The following MINDY4 variants were observed in gnomAD, a reference collection of about 807,000 sequenced individuals.
The protein encoded by MINDY4 is probable ubiquitin carboxyl-terminal hydrolase MINDY-4.
MINDY4 carries 68 observed loss-of-function variants against 87.0 expected under a neutral mutation model. The observed-to-expected ratio is 0.78, with a 90% confidence interval of 0.64 to 0.96. The LOEUF (loss-of-function observed/expected upper bound fraction) is 0.96. MINDY4 is among the 40% of genes least tolerant of loss of function. MINDY4 has a pLI of 0.00. For synonymous variants in MINDY4, 379 were observed against 363.2 expected (o/e 1.04, Z -0.50); for missense variants, 919 against 928.2 (o/e 0.99, Z 0.13).
intron 6 of MINDY4, 142 bp downstream of exon 6, chr7:30,828,879 A>T: frequency 4.3e-6 from 3 of 694,310 alleles, no homozygotes; most frequent in South Asian, 3.4e-5. Flanking sequence ...AGTAGAGTAG[A>T]CTACTCTCTC....
chr7:30,781,920 C>T, intron 2 of MINDY4, 57 bp from the exon 3 acceptor site: 3 of 1,227,126 alleles, frequency 2.4e-6, no homozygotes, highest in Admixed American at 4.1e-5. Flanking sequence ...TTGTCTTTTC[C>T]ACTCTTCCCT....
At chr7:30,887,251 C>T (rs1439359842) in intron 17 of MINDY4, among the ~76,000 whole-genome samples, 3 of 152,124 alleles carry the variant, frequency 2.0e-5, no homozygotes, top group African/African-American at 7.2e-5. Flanking sequence ...GCTGTCACTC[C>T]CCACTGTCCA....
At chr7:30,790,039 G>A (rs1345178853) in intron 4 of MINDY4, among the ~76,000 whole-genome samples, 1 of 152,208 alleles carries the variant, frequency 6.6e-6, no homozygotes, top group African/African-American at 2.4e-5. Flanking sequence ...GAGACCATAT[G>A]TAAGTGGGCA....
At chr7:30,878,582 G>T (rs1790361003) in intron 15 of MINDY4, among the ~76,000 whole-genome samples, 1 of 152,212 alleles carries the variant, frequency 6.6e-6, no homozygotes. Context: ...GGCTGCAGTT[G>T]GAGGCCAAGC....
intron 12 of MINDY4, among the ~76,000 whole-genome samples, chr7:30,857,094 CA>C (rs903543992): frequency 2.6e-5 from 4 of 152,064 alleles, no homozygotes; most frequent in African/African-American, 9.7e-5. Context: ...TTCCTACTTC[CA>C]AAAAAAGACT....
intron 5 of MINDY4, among the ~76,000 whole-genome samples, chr7:30,805,552 C>T (rs1195746996): frequency 1.3e-5 from 2 of 152,098 alleles, no homozygotes; most frequent in Admixed American, 1.3e-4. Context: ...GTGGTCAGAG[C>T]AGAGCCCCAC....
chr7:30,882,373 C>A lies in MINDY4; in HGVS notation c.2152+12C>A. On this transcript the variant is annotated intron_variant, in intron 16 of 17. Transcript: ENST00000265299. Reference sequence around the variant, plus strand: ...CCGGCTGACCATTGGTGCGGGCCCTCACCCCCCCACCCACCCAACCCTGTC... The same window carrying A: ...CCGGCTGACCATTGGTGCGGGCCCTAACCCCCCCACCCACCCAACCCTGTC... The A allele has an allele frequency of 6.6e-7, 1 of 1,504,774 alleles. No homozygotes were observed. The highest frequency in any genetic ancestry group is 8.9e-7 in the Non-Finnish European group (1 of 1,119,554). The allele number at this position is 1,504,774 out of a possible 1,614,324, so 93.2% of individuals were successfully genotyped here.
chr7:30,855,742 G>A (rs1789549609), intron 12 of MINDY4, among the ~76,000 whole-genome samples: 1 of 152,224 alleles, frequency 6.6e-6, no homozygotes. Flanking sequence ...AGTGGGATTT[G>A]TTCCAGGGCG....
chr7:30,775,654 G>T (rs1312491597), intron 1 of MINDY4, among the ~76,000 whole-genome samples: 1 of 152,152 alleles, frequency 6.6e-6, no homozygotes, highest in African/African-American at 2.4e-5. Flanking sequence ...TCTAATCAAG[G>T]TTTGCTCTTT....
intron 17 of MINDY4, among the ~76,000 whole-genome samples, chr7:30,885,576 G>C (rs1353730580): frequency 6.6e-6 from 1 of 152,090 alleles, no homozygotes; most frequent in African/African-American, 2.4e-5. Context: ...CCACACCAAG[G>C]GTTTCTGAGC....
At chr7:30,800,234 G>A (rs1378223262) in intron 5 of MINDY4, among the ~76,000 whole-genome samples, 1 of 152,158 alleles carries the variant, frequency 6.6e-6, no homozygotes, top group Non-Finnish European at 1.5e-5. Context: ...AAACTGCAAA[G>A]CCTGTCCCTG....
At position 30,785,785 on chromosome 7, in the gene MINDY4, T is replaced by A; in HGVS notation, c.456T>A (p.Phe152Leu). The A allele has an allele frequency of 1.9e-6, 3 of 1,614,224 alleles. No homozygotes were observed. Among genetic ancestry groups the A allele is most frequent in the Non-Finnish European group, 2.5e-6 (3 of 1,180,040 alleles). ...TTGATGGAGATGTACTTGGTAATTT[T>A]GTATCATCTAAAAGGCCCCCGCACA... ...DNLDGDVLGNFVSSKRPPHKS... is the reference protein window; with the variant it reads ...DNLDGDVLGNLVSSKRPPHKS... The change falls in exon 4 of 18, where the codon TTT becomes TTA. Residue 152 changes from phenylalanine (F) to leucine (L), a missense_variant. Coordinates refer to ENST00000265299, the MANE Select transcript of MINDY4 (RefSeq NM_032222.3).
chr7:30,831,322 A>T (rs1788693655), intron 6 of MINDY4, among the ~76,000 whole-genome samples: 1 of 152,022 alleles, frequency 6.6e-6, no homozygotes, highest in Admixed American at 6.6e-5. Context: ...GTAATTTTTC[A>T]GGGGGCTCTA....
chr7:30,875,691 A>G (rs749476476), intron 15 of MINDY4, 35 bp downstream of exon 15: 1 of 1,573,628 alleles, frequency 6.4e-7, no homozygotes, highest in Non-Finnish European at 8.6e-7. Context: ...CAAGTAGGGG[A>G]GCCTGACTCT....
chr7:30,890,662 C>T (rs1458154317), intron 17 of MINDY4, among the ~76,000 whole-genome samples: 1 of 152,152 alleles, frequency 6.6e-6, no homozygotes, highest in Non-Finnish European at 1.5e-5. Context: ...GGAAGGGACA[C>T]TTTCAACCTA....
At chr7:30,811,364 A>G (rs1342464040) in intron 5 of MINDY4, among the ~76,000 whole-genome samples, 1 of 152,234 alleles carries the variant, frequency 6.6e-6, no homozygotes, top group African/African-American at 2.4e-5. Context: ...ACTTCTTCAA[A>G]TGATAAAAAG....
At chr7:30,817,312 G>A (rs1002933858) in intron 5 of MINDY4, among the ~76,000 whole-genome samples, 1 of 150,160 alleles carries the variant, frequency 6.7e-6, no homozygotes, top group Non-Finnish European at 1.5e-5. Context: ...GAAAAAAGGA[G>A]AGCAGGAAAG....
rs374435049 is a variant in MINDY4 at position 30,791,432 on chromosome 7, G to A, written c.931G>A (p.Glu311Lys). 1.1e-5 allele frequency: 18 copies of A among 1,614,066 alleles called. No homozygotes were observed. Among genetic ancestry groups the A allele is most frequent in the South Asian group, 5.5e-5 (5 of 91,082 alleles). ...WDRARPRDPSEDTPAVDGSTD... is the reference protein window; with the variant it reads ...WDRARPRDPSKDTPAVDGSTD... Reference sequence around the variant, plus strand: ...CAGGGCCAGGCCGAGGGATCCCTCCGAGGACACCCCAGCAGTGGACGGCAG... The same window carrying A: ...CAGGGCCAGGCCGAGGGATCCCTCCAAGGACACCCCAGCAGTGGACGGCAG... Residue 311 changes from glutamate (E) to lysine (K), a missense_variant, in exon 5 of 18, where the codon GAG becomes AAG. Transcript: ENST00000265299.
At chr7:30,864,043 A>G (rs1789853984) in intron 13 of MINDY4, among the ~76,000 whole-genome samples, 1 of 152,208 alleles carries the variant, frequency 6.6e-6, no homozygotes, top group Non-Finnish European at 1.5e-5. Flanking sequence ...TGGCCAGGTC[A>G]TTGAGGCCCT....
Sources: gnomAD v4.1 joint callset for allele counts (sites outside exome capture counted in the v4.1 genomes callset) on GRCh38, gnomAD v4.1.1 for gene constraint, MANE v1.5 for transcripts, NCBI Gene and HGNC (gene_info 2026-07-23, HGNC 2026-07-21) for gene names.